Variants in EFL1 observed in about 807,000 individuals in gnomAD.
The protein encoded by EFL1 is elongation factor-like GTPase 1.
Under a neutral mutation model 126.7 loss-of-function variants are expected in EFL1, and 76 were observed. The ratio of observed to expected loss-of-function variants is 0.60; its 90% CI spans 0.50 to 0.73. The LOEUF is 0.73. Among genes scored for constraint, EFL1 ranks in the 30% least tolerant of loss-of-function variants. The probability of loss-of-function intolerance (pLI) is 0.00; values close to 1 mark genes in which losing one functional copy is unlikely to be tolerated. For synonymous variants in EFL1, 410 were observed against 448.4 expected, an observed-to-expected ratio of 0.91 and a Z score of 1.08; for missense variants, 1,128 against 1,343.2, an observed-to-expected ratio of 0.84 and a Z score of 2.50.
intron 7 of EFL1, among the ~76,000 whole-genome samples, chr15:82,235,458 C>T (rs1433711688): frequency 6.6e-6 from 1 of 151,960 alleles, no homozygotes; most frequent in Non-Finnish European, 1.5e-5. Context: ...TTGTGGTATA[C>T]ATTTGAATTT....
chr15:82,260,480 A>G (rs2075103493), intron 2 of EFL1, among the ~76,000 whole-genome samples: 1 of 152,086 alleles, frequency 6.6e-6, no homozygotes. Flanking sequence ...CATGTCTACC[A>G]ATCTAATCTT....
rs534517231 is a variant in EFL1, at chr15:82,252,896, T to C, written c.160-121A>G. 57 of 733,540 alleles carry C rather than the reference T, an allele frequency of 7.8e-5. 1 individual carries two copies. In the South Asian group the frequency reaches 1.2e-3, roughly 15 times the overall value. The allele number at this position is 733,540 out of a possible 1,614,324, so 45.4% of individuals were successfully genotyped here. A position where few individuals can be genotyped will look rare whatever the true frequency, so the allele number is the denominator to read the frequency against. On this transcript the variant is annotated intron_variant, in intron 3 of 19. Coordinates refer to ENST00000268206, the MANE Select transcript of EFL1 (RefSeq NM_024580.6). ...TTAATTTGTTATTTTTATTTATTTT[T>C]GTAGAGACAGGGTCTTGCTATGTTG...
chr15:82,211,549 TACACACACACACAC>T (rs35812924), intron 15 of EFL1, among the ~76,000 whole-genome samples: 2 of 94,348 alleles, frequency 2.1e-5, no homozygotes, highest in East Asian at 2.6e-4. Context: ...AAAATCTATA[TACACACACACACAC>T]ACACACACAC....
chr15:82,226,921 C>T (rs943789099), intron 11 of EFL1, among the ~76,000 whole-genome samples: 2 of 152,074 alleles, frequency 1.3e-5, no homozygotes, highest in Admixed American at 1.3e-4. Context: ...GGAATGAAAG[C>T]AATGGAAGCC....
intron 4 of EFL1, among the ~76,000 whole-genome samples, chr15:82,242,124 G>A (rs1026536774): frequency 6.6e-6 from 1 of 152,160 alleles, no homozygotes; most frequent in African/African-American, 2.4e-5. Context: ...GTTATAGAGA[G>A]TTATCACTAA....
intron 12 of EFL1, 86 bp from the exon 13 acceptor site, chr15:82,220,315 G>A: frequency 1.4e-6 from 2 of 1,480,458 alleles, no homozygotes; most frequent in East Asian, 4.8e-5. Context: ...GTAAGATGAA[G>A]ATTGGTCCCA....
Position 82,259,125 on chromosome 15 carries a change from G to A in EFL1, c.122C>T (p.Ser41Phe), listed in dbSNP as rs2075091108. The A allele has an allele frequency of 6.2e-7, 1 of 1,613,908 alleles. No homozygotes were observed. Among genetic ancestry groups the A allele is most frequent in the Non-Finnish European group, 8.5e-7 (1 of 1,179,968 alleles). The change falls in exon 3 of 20, where the codon TCT (serine) becomes TTT (phenylalanine). Residue 41 changes from serine to phenylalanine, a missense_variant. Ser to Phe is a radical substitution (Grantham distance 155, BLOSUM62 -2). Around this residue, in one of 6 missense-constraint regions of EFL1, gnomAD observed 118 missense variants for 188.1 expected, o/e 0.63. Transcript: ENST00000268206. ...GKTTLADCLI[S>F]SNGIISSRLA... is the part of the protein sequence containing the mutation. ...GCGGCTGGAGATGATTCCATTGCTA[G>A]ATATAAGACAGTCAGCCAGAGTAGT...
chr15:82,253,417 T>C (rs181778723), intron 3 of EFL1, among the ~76,000 whole-genome samples: 10 of 147,070 alleles, frequency 6.8e-5, no homozygotes, highest in East Asian at 5.8e-4. Context: ...ACATGAAAAA[T>C]TGAAAAACAT....
chr15:82,232,541 G>A (rs539198649), intron 7 of EFL1, among the ~76,000 whole-genome samples: 1 of 152,212 alleles, frequency 6.6e-6, no homozygotes, highest in African/African-American at 2.4e-5. Context: ...GCACTTTGTT[G>A]TTATGATAAT....
intron 18 of EFL1, among the ~76,000 whole-genome samples, chr15:82,143,869 T>G (rs910515838): frequency 2.0e-5 from 3 of 151,956 alleles, no homozygotes; most frequent in Non-Finnish European, 4.4e-5. Context: ...AGGACCCCAG[T>G]TTTTTTTATT....
intron 18 of EFL1, among the ~76,000 whole-genome samples, chr15:82,150,843 T>C (rs747366670): frequency 3.9e-5 from 6 of 152,238 alleles, no homozygotes; most frequent in Non-Finnish European, 5.9e-5. Context: ...CAGACTGATA[T>C]GGTTATTTGC....
rs139494446 is a variant in EFL1, at chr15:82,143,215, C to T, written c.2990-4373G>A. Among the ~76,000 whole-genome samples, 164 of 152,064 alleles carry T rather than the reference C, an allele frequency of 1.1e-3. 1 individual carries two copies. The highest frequency in any genetic ancestry group is 1.8e-3 in the Non-Finnish European group (122 of 68,002). On this transcript the variant is annotated intron_variant, in intron 18 of 19. Transcript: ENST00000268206. ...ATCATATCCTATTGATAAGATTACA[C>T]GCAGAGGTTAAAATGAAAATTATGA...
At chr15:82,147,396 G>A (rs1297395311) in intron 18 of EFL1, among the ~76,000 whole-genome samples, 2 of 152,052 alleles carry the variant, frequency 1.3e-5, no homozygotes, top group South Asian at 2.1e-4. Flanking sequence ...TTGGGAGGCC[G>A]AGGCGGGCGG....
At chr15:82,216,343 C>T (rs1375936704) in intron 14 of EFL1, among the ~76,000 whole-genome samples, 1 of 152,072 alleles carries the variant, frequency 6.6e-6, no homozygotes, top group Non-Finnish European at 1.5e-5. Flanking sequence ...CAATCGAAGC[C>T]TCAACAGGGC....
intron 15 of EFL1, among the ~76,000 whole-genome samples, chr15:82,193,390 C>A (rs2074378980): frequency 6.6e-6 from 1 of 152,270 alleles, no homozygotes; most frequent in East Asian, 1.9e-4. Flanking sequence ...CACATCCTTC[C>A]TTATCTATAA....
At chr15:82,206,351 C>T (rs1251736169) in intron 15 of EFL1, among the ~76,000 whole-genome samples, 2 of 151,782 alleles carry the variant, frequency 1.3e-5, no homozygotes, top group African/African-American at 4.8e-5. Flanking sequence ...AGGAAAGATA[C>T]AATGTAACAA....
At chr15:82,168,490 C>T (rs2074101128) in intron 15 of EFL1, among the ~76,000 whole-genome samples, 1 of 152,290 alleles carries the variant, frequency 6.6e-6, no homozygotes, top group South Asian at 2.1e-4. Context: ...CTCATAGGAA[C>T]AGACTGAGCT....
In EFL1 at chr15:82,171,530, C is replaced by T. The variant is rs575732709; in HGVS notation, c.1751-7546G>A. On this transcript the variant is annotated intron_variant, in intron 15 of 19. Transcript: ENST00000268206. ...GTGAAAAATGATATAATTGCATCTG[C>T]GTCATACCATCTAGAAAAAGAAATT... Among the ~76,000 whole-genome samples, 46 of 152,236 alleles carry T rather than the reference C, an allele frequency of 3.0e-4. 2 individuals carry two copies. The South Asian group carries it at 8.9e-3, about 30-fold the overall frequency.
At chr15:82,148,129 C>T (rs530487973) in intron 18 of EFL1, among the ~76,000 whole-genome samples, 17 of 151,990 alleles carry the variant, frequency 1.1e-4, no homozygotes, top group Non-Finnish European at 2.1e-4. Flanking sequence ...CCTGTAATCC[C>T]AGCACTTTGG....
Sources: allele counts gnomAD v4.1 joint callset (sites outside exome capture counted in the v4.1 genomes callset), GRCh38; gene constraint gnomAD v4.1.1; regional missense constraint gnomAD v4.1.1; transcripts MANE v1.5; gene names NCBI Gene and HGNC (gene_info 2026-07-23, HGNC 2026-07-21).